Variants in CORO2B observed in about 807,000 individuals in gnomAD.
CORO2B encodes coronin 2B, also known as coronin-2B.
A neutral mutation model predicts 58.8 loss-of-function variants in CORO2B; 26 were observed. The observed-to-expected ratio is 0.44, with a 90% confidence interval of 0.32 to 0.61. The LOEUF (loss-of-function observed/expected upper bound fraction) is 0.61. CORO2B is among the 20% of genes least tolerant of loss of function. The pLI is 0.04. For synonymous variants in CORO2B, 242 were observed against 253.8 expected (o/e 0.95, Z 0.44); for missense variants, 460 against 645.1 (o/e 0.71, Z 3.11).
At chr15:68,650,710 T>C (rs1267143473) in intron 2 of CORO2B, among the ~76,000 whole-genome samples, 9 of 152,226 alleles carry the variant, frequency 5.9e-5, no homozygotes, top group Non-Finnish European at 1.2e-4. Flanking sequence ...CCATGAGTGC[T>C]CTTTAATTTT....
the CORO2B span, among the ~76,000 whole-genome samples, chr15:68,519,835 A>G: frequency 3.3e-5 from 5 of 152,226 alleles, no homozygotes; most frequent in Non-Finnish European, 7.3e-5. Context: ...AAGCATAGCA[A>G]GCATAGCTTT....
At chr15:68,650,161 G>T (rs1901585078) in intron 2 of CORO2B, among the ~76,000 whole-genome samples, 1 of 152,114 alleles carries the variant, frequency 6.6e-6, no homozygotes, top group Non-Finnish European at 1.5e-5. Flanking sequence ...CCGAGGTCAG[G>T]AGTTCAAGAC....
At chr15:68,673,711 C>T (rs1202358454) in intron 2 of CORO2B, among the ~76,000 whole-genome samples, 6 of 151,778 alleles carry the variant, frequency 4.0e-5, no homozygotes, top group Admixed American at 3.9e-4. Flanking sequence ...GTGGCATGCG[C>T]CTGTAATCCC....
chr15:68,555,345 T>G, the CORO2B span, among the ~76,000 whole-genome samples: 1 of 152,220 alleles, frequency 6.6e-6, no homozygotes, highest in Non-Finnish European at 1.5e-5. Context: ...TCCAGGTCTC[T>G]TCTTTTGCAA....
upstream of CORO2B, among the ~76,000 whole-genome samples, chr15:68,576,152 C>CAAAAAAAAAAAA (rs3985627): frequency 1.8e-4 from 11 of 62,184 alleles, no homozygotes; most frequent in Non-Finnish European, 2.4e-4. Context: ...GACTACGTCG[C>CAAAAAAAAAAAA]AAAAAAAAAA....
the CORO2B span, among the ~76,000 whole-genome samples, chr15:68,545,612 CG>C: frequency 1.3e-4 from 7 of 53,270 alleles, no homozygotes; most frequent in African/African-American, 2.8e-4. Context: ...ATGCGGGGGG[CG>C]GGGGGGGTAA....
At chr15:68,544,895 G>A in the CORO2B span, among the ~76,000 whole-genome samples, 2 of 151,880 alleles carry the variant, frequency 1.3e-5, no homozygotes, top group Admixed American at 6.6e-5. Context: ...TCCTGCCTCA[G>A]CCTCCCGAGT....
intron 1 of CORO2B, among the ~76,000 whole-genome samples, chr15:68,587,047 TATACACACAC>T (rs61482368): frequency 0.2 from 28,050 of 141,672 alleles, 2,926 homozygotes; most frequent in South Asian, 0.24. Context: ...GGGAGATATG[TATACACACAC>T]ACACACACAC....
intron 1 of CORO2B, among the ~76,000 whole-genome samples, chr15:68,610,899 T>G (rs191877775): frequency 1.2e-3 from 176 of 152,298 alleles, no homozygotes; most frequent in Non-Finnish European, 1.3e-3. Flanking sequence ...CACCCAGAAC[T>G]GATGGCAGGT....
chr15:68,579,809 A>G (rs1175879137), intron 1 of CORO2B, among the ~76,000 whole-genome samples: 3 of 152,204 alleles, frequency 2.0e-5, no homozygotes, highest in South Asian at 2.1e-4. Context: ...GGGAGCCGCT[A>G]CCAGAGACAG....
intron 1 of CORO2B, among the ~76,000 whole-genome samples, chr15:68,596,269 G>A (rs1489634739): frequency 6.6e-6 from 1 of 151,380 alleles, no homozygotes; most frequent in African/African-American, 2.4e-5. Context: ...TGCCCTCAGG[G>A]ACAGGCCCAG....
chr15:68,600,095 A>G (rs570453747), intron 1 of CORO2B, among the ~76,000 whole-genome samples: 1 of 152,288 alleles, frequency 6.6e-6, no homozygotes, highest in South Asian at 2.1e-4. Flanking sequence ...TCAGGGATAA[A>G]AGATACTTGC....
At chr15:68,528,027 C>T in the CORO2B span, among the ~76,000 whole-genome samples, 1 of 152,114 alleles carries the variant, frequency 6.6e-6, no homozygotes, top group African/African-American at 2.4e-5. Context: ...GTTCTCAAAC[C>T]TTTAAAAATG....
intron 2 of CORO2B, among the ~76,000 whole-genome samples, chr15:68,690,228 A>G (rs910141737): frequency 3.9e-5 from 6 of 152,184 alleles, no homozygotes; most frequent in African/African-American, 1.4e-4. Flanking sequence ...GGCAAACGCT[A>G]TGAATCAGGG....
intron 3 of CORO2B, among the ~76,000 whole-genome samples, chr15:68,707,486 T>C (rs1892810778): frequency 6.6e-6 from 1 of 152,162 alleles, no homozygotes; most frequent in African/African-American, 2.4e-5. Context: ...AGAACTTAGA[T>C]GTCAATTAAT....
intron 1 of CORO2B, among the ~76,000 whole-genome samples, chr15:68,619,509 G>A (rs1320880354): frequency 1.3e-5 from 2 of 152,154 alleles, no homozygotes; most frequent in Admixed American, 1.3e-4. Flanking sequence ...GCATCACATG[G>A]ATGTAAACCT....
chr15:68,605,391 C>T (rs1020566717), intron 1 of CORO2B, among the ~76,000 whole-genome samples: 11 of 152,166 alleles, frequency 7.2e-5, no homozygotes, highest in African/African-American at 2.7e-4. Flanking sequence ...CATCAAGATG[C>T]TCATCACGGC....
chr15:68,639,931 G>A lies in CORO2B; in HGVS notation c.16-5229G>A, dbSNP rs74494119. Among the ~76,000 whole-genome samples, 27 of 152,266 alleles carry A rather than the reference G, an allele frequency of 1.8e-4. No homozygotes were observed. In the East Asian group the frequency reaches 3.5e-3, roughly 20 times the overall value. On this transcript the variant is annotated intron_variant, in intron 1 of 11. Coordinates refer to ENST00000261861, the MANE Select transcript of CORO2B (RefSeq NM_006091.5). ...ACCAGGATCTGGGCAGGGCTTTAAGGGTAAAGGCAAAGGGCCAGATTTTCA... is the reference window on the plus strand; with the variant it reads ...ACCAGGATCTGGGCAGGGCTTTAAGAGTAAAGGCAAAGGGCCAGATTTTCA...
At chr15:68,599,784 C>T (rs1317378379) in intron 1 of CORO2B, among the ~76,000 whole-genome samples, 1 of 152,222 alleles carries the variant, frequency 6.6e-6, no homozygotes, top group Non-Finnish European at 1.5e-5. Flanking sequence ...GCTTTCCGGA[C>T]ATCCGGGTCT....
Sources: allele counts gnomAD v4.1 joint callset (sites outside exome capture counted in the v4.1 genomes callset), GRCh38; gene constraint gnomAD v4.1.1; transcripts MANE v1.5; gene names NCBI Gene and HGNC (gene_info 2026-07-23, HGNC 2026-07-21).